FRAS1: variants seen among roughly 807,000 people sequenced by gnomAD.
The protein encoded by FRAS1 is Fraser extracellular matrix complex subunit 1, also known as extracellular matrix organizing protein FRAS1.
FRAS1 carries 290 observed loss-of-function variants against 435.2 expected under a neutral mutation model. That is an observed-to-expected ratio of 0.67 (90% CI 0.61 to 0.73). The LOEUF is 0.73. Among genes scored for constraint, FRAS1 ranks in the 30% least tolerant of loss-of-function variants. The pLI, the probability that FRAS1 is intolerant of heterozygous loss-of-function variation, is 0.00. For synonymous variants in FRAS1, 1,800 were observed against 1,851.0 expected (o/e 0.97, Z 0.71); for missense variants, 4,860 against 5,001.5 (o/e 0.97, Z 0.85).
At chr4:78,484,215 T>C (rs1260460219) in intron 58 of FRAS1, among the ~76,000 whole-genome samples, 1 of 152,222 alleles carries the variant, frequency 6.6e-6, no homozygotes, top group Non-Finnish European at 1.5e-5. Context: ...TGTTATTGCA[T>C]ATGTGAGTAG....
At chr4:78,182,612 T>C (rs1722066479) in intron 2 of FRAS1, among the ~76,000 whole-genome samples, 1 of 151,832 alleles carries the variant, frequency 6.6e-6, no homozygotes, top group South Asian at 2.1e-4. Context: ...GCGCAGTGGC[T>C]CACACCTGTA....
chr4:78,494,624 C>T (rs1198189342), intron 59 of FRAS1, among the ~76,000 whole-genome samples: 1 of 152,170 alleles, frequency 6.6e-6, no homozygotes, highest in African/African-American at 2.4e-5. Context: ...CATCTTCCAC[C>T]AGGCCCCACT....
chr4:78,460,051 G>A (rs1446938863), intron 47 of FRAS1, among the ~76,000 whole-genome samples: 1 of 152,124 alleles, frequency 6.6e-6, no homozygotes, highest in Non-Finnish European at 1.5e-5. Context: ...ATCACAAGAG[G>A]CTTTTCAAAA....
intron 2 of FRAS1, among the ~76,000 whole-genome samples, chr4:78,139,615 A>G (rs1367550317): frequency 6.6e-6 from 1 of 152,174 alleles, no homozygotes; most frequent in Non-Finnish European, 1.5e-5. Flanking sequence ...GGGATACTTC[A>G]TTAGTGGAAA....
chr4:78,430,600 C>T (rs559395381), intron 37 of FRAS1, among the ~76,000 whole-genome samples, 183 bp downstream of exon 37: 1 of 152,270 alleles, frequency 6.6e-6, no homozygotes, highest in Non-Finnish European at 1.5e-5. Context: ...ACTTCCATCC[C>T]TGCCCCACAC....
At position 78,488,949 on chromosome 4, in the gene FRAS1, C is replaced by T. The variant is rs751338045; in HGVS notation, c.8827C>T (p.Arg2943Trp). 9 of 1,613,406 alleles carry T rather than the reference C, an allele frequency of 5.6e-6. No individual in the cohort carries two copies. The highest frequency in any genetic ancestry group is 1.3e-5 in the African/African-American group (1 of 74,898). ...KEGVLHVPIT[R>W]SGDLSYESSV... ...GGGTGTCCTGCATGTCCCTATCACTCGGAGCGGAGACCTGAGCTATGAGTC... is the reference window on the plus strand; with the variant it reads ...GGGTGTCCTGCATGTCCCTATCACTTGGAGCGGAGACCTGAGCTATGAGTC... Residue 2943 changes from arginine to tryptophan, a missense_variant, in exon 59 of 74, where the codon CGG becomes TGG. By Grantham distance (101) the Arg-to-Trp change is moderately radical. Transcript: ENST00000512123.
intron 53 of FRAS1, 42 bp downstream of exon 53, chr4:78,473,639 G>T: frequency 6.7e-7 from 1 of 1,492,614 alleles, no homozygotes. Context: ...AAATCAATCA[G>T]GCAAGCAGAG....
At chr4:78,148,797 C>T (rs1028358829) in intron 2 of FRAS1, among the ~76,000 whole-genome samples, 1 of 152,176 alleles carries the variant, frequency 6.6e-6, no homozygotes, top group Non-Finnish European at 1.5e-5. Flanking sequence ...TTCTCAGTAG[C>T]GTTTATTATT....
At chr4:78,325,087 A>G (rs897860295) in intron 18 of FRAS1, among the ~76,000 whole-genome samples, 2 of 152,196 alleles carry the variant, frequency 1.3e-5, no homozygotes, top group East Asian at 3.8e-4. Context: ...GAGATAATAA[A>G]CATCCCAGCA....
chr4:78,296,736 C>T (rs1728163164), intron 14 of FRAS1, among the ~76,000 whole-genome samples: 1 of 152,160 alleles, frequency 6.6e-6, no homozygotes, highest in South Asian at 2.1e-4. Flanking sequence ...GCCAACCTTT[C>T]CTGTAGTCTT....
At chr4:78,536,046 GAAT>G (rs1174521681) in intron 71 of FRAS1, among the ~76,000 whole-genome samples, 1 of 152,122 alleles carries the variant, frequency 6.6e-6, no homozygotes, top group African/African-American at 2.4e-5. Context: ...TTAAAAATGG[GAAT>G]AATAATTGAA....
Position 78,458,658 on chromosome 4 carries a change from A to G in FRAS1, c.6764-5363A>G, listed in dbSNP as rs1719277319. ...CCCAAACTTCAGCATCACACAATAT[A>G]CCCTGTAACAAACCTGTACATGTAC... is the stretch of plus-strand genomic sequence containing the variant. On this transcript the variant is annotated intron_variant, in intron 47 of 73. Transcript: ENST00000512123. Among the ~76,000 whole-genome samples the G allele has an allele frequency of 2.6e-5, 4 of 152,180 alleles. No homozygotes were observed. The South Asian group carries it at 8.3e-4, about 32-fold the overall frequency.
At chr4:78,404,477 C>T (rs1475919319) in intron 30 of FRAS1, among the ~76,000 whole-genome samples, 1 of 151,758 alleles carries the variant, frequency 6.6e-6, no homozygotes, top group Non-Finnish European at 1.5e-5. Context: ...GTTGATATTT[C>T]TCCTTGTCCA....
chr4:78,338,763 G>A (rs1289878138), intron 20 of FRAS1, among the ~76,000 whole-genome samples: 1 of 152,224 alleles, frequency 6.6e-6, no homozygotes. Flanking sequence ...AGTCTGGGAT[G>A]GCGCTGACAT....
At chr4:78,285,263 G>A (rs1452772246) in intron 13 of FRAS1, among the ~76,000 whole-genome samples, 1 of 151,478 alleles carries the variant, frequency 6.6e-6, no homozygotes, top group Non-Finnish European at 1.5e-5. Flanking sequence ...AGGAGGCTGA[G>A]GCAGGAGAAT....
chr4:78,074,391 C>G (rs559461277), intron 2 of FRAS1, among the ~76,000 whole-genome samples: 1 of 152,206 alleles, frequency 6.6e-6, no homozygotes, highest in Admixed American at 6.5e-5. Context: ...AAATTATTGG[C>G]TAAAAAGAAG....
chr4:78,181,440 A>G lies in FRAS1; in HGVS notation c.109-56070A>G. On this transcript the variant is annotated intron_variant, in intron 2 of 73. Transcript: ENST00000512123. ...TTCAGGCCACTGTAATGTGAAAAAG[A>G]AGATCTATCACTTCCACTATGCCTA... The G allele has an allele frequency of 2.5e-6, 4 of 1,611,952 alleles. No homozygotes were observed. In the South Asian group the frequency reaches 4.4e-5, roughly 18 times the overall value.
At chr4:78,437,664 C>A (rs1338726829) in intron 38 of FRAS1, among the ~76,000 whole-genome samples, 1 of 152,166 alleles carries the variant, frequency 6.6e-6, no homozygotes, top group Non-Finnish European at 1.5e-5. Context: ...ACTAACTGTA[C>A]AACATAGCAT....
intron 3 of FRAS1, among the ~76,000 whole-genome samples, chr4:78,244,651 A>G (rs976984757): frequency 1.4e-4 from 21 of 152,170 alleles, no homozygotes; most frequent in African/African-American, 4.6e-4. Flanking sequence ...CACAATTGCA[A>G]TTATAGAAGC....
Sources: gnomAD v4.1 joint callset for allele counts (sites outside exome capture counted in the v4.1 genomes callset) on GRCh38, gnomAD v4.1.1 for gene constraint, MANE v1.5 for transcripts, NCBI Gene and HGNC (gene_info 2026-07-23, HGNC 2026-07-21) for gene names.